TNNI3K: variants seen among roughly 807,000 people sequenced by gnomAD.
TNNI3K encodes TNNI3 interacting kinase.
Under a neutral mutation model 114.5 loss-of-function variants are expected in TNNI3K, and 140 were observed. That is an observed-to-expected ratio of 1.22 (90% CI 1.07 to 1.41). The LOEUF (loss-of-function observed/expected upper bound fraction) is 1.41, where lower values mean the gene tolerates loss of function less well. Among genes scored for constraint, TNNI3K ranks in the 40% most tolerant of loss-of-function variants. TNNI3K has a pLI of 0.00. For synonymous variants in TNNI3K, 347 were observed against 347.5 expected (o/e 1.00, Z 0.02); for missense variants, 1,125 against 1,007.6 (o/e 1.12, Z -1.58).
chr1:74,481,034 A>C (rs1668476360), intron 21 of TNNI3K: 2 of 635,864 alleles, frequency 3.1e-6, no homozygotes, highest in Admixed American at 2.5e-5. Flanking sequence ...GGTATGGTGG[A>C]GAGCAGAGAA....
At chr1:74,311,589 G>A (rs1658998948) in intron 5 of TNNI3K, among the ~76,000 whole-genome samples, 1 of 152,036 alleles carries the variant, frequency 6.6e-6, no homozygotes, top group South Asian at 2.1e-4. Flanking sequence ...CATTCCCAGG[G>A]CACATTTCAT....
chr1:74,438,669 C>T (rs17095322), intron 19 of TNNI3K, among the ~76,000 whole-genome samples: 10,239 of 151,956 alleles, frequency 0.067, 341 homozygotes, highest in East Asian at 0.1. Context: ...CAGTGTTCTG[C>T]GCCCTAAACT....
chr1:74,481,114 T>G, intron 21 of TNNI3K: 2 of 577,260 alleles, frequency 3.5e-6, no homozygotes. Flanking sequence ...AAAATGATTT[T>G]CTGATTTCCA....
At chr1:74,397,401 G>A (rs959709782) in intron 17 of TNNI3K, among the ~76,000 whole-genome samples, 15 of 152,294 alleles carry the variant, frequency 9.8e-5, no homozygotes, top group East Asian at 7.7e-4. Flanking sequence ...TAGCTGCCAC[G>A]GCCCTGCTCG....
chr1:74,285,126 T>C (rs1220089509), intron 5 of TNNI3K, among the ~76,000 whole-genome samples: 1 of 152,204 alleles, frequency 6.6e-6, no homozygotes, highest in East Asian at 1.9e-4. Flanking sequence ...CTTCCTACAA[T>C]AGTACCTTGA....
At chr1:74,510,462 C>G (rs767975041) in intron 23 of TNNI3K, among the ~76,000 whole-genome samples, 1 of 151,994 alleles carries the variant, frequency 6.6e-6, no homozygotes, top group African/African-American at 2.4e-5. Context: ...GAGCCGACAT[C>G]GCGCCACTGC....
chr1:74,280,019 G>A (rs1656909555), intron 5 of TNNI3K, among the ~76,000 whole-genome samples: 2 of 147,242 alleles, frequency 1.4e-5, no homozygotes, highest in African/African-American at 2.5e-5. Context: ...AACTGCCCAG[G>A]CAAGAAAGCA....
intron 4 of TNNI3K, among the ~76,000 whole-genome samples, chr1:74,267,129 T>G (rs1656042996): frequency 6.6e-6 from 1 of 151,992 alleles, no homozygotes; most frequent in Admixed American, 6.6e-5. Flanking sequence ...AAACAAGTCT[T>G]AAGAGACTTT....
At chr1:74,499,865 C>T (rs977756609) in intron 23 of TNNI3K, among the ~76,000 whole-genome samples, 1 of 151,746 alleles carries the variant, frequency 6.6e-6, no homozygotes, top group African/African-American at 2.4e-5. Flanking sequence ...TCTTATATAC[C>T]TTTTGTGTGA....
chr1:74,470,956 G>A (rs185494319), intron 21 of TNNI3K: 198 of 400,542 alleles, frequency 4.9e-4, no homozygotes, highest in African/African-American at 3.5e-3. Context: ...ATGTTGGAAT[G>A]GTAAAACATC....
intron 23 of TNNI3K, among the ~76,000 whole-genome samples, chr1:74,513,172 G>T (rs1646288888): frequency 1.3e-5 from 2 of 152,210 alleles, no homozygotes; most frequent in African/African-American, 4.8e-5. Context: ...CCTAAGATGA[G>T]GAAATGGTTG....
intron 23 of TNNI3K, among the ~76,000 whole-genome samples, chr1:74,536,517 A>T (rs978507667): frequency 6.6e-6 from 1 of 152,164 alleles, no homozygotes; most frequent in African/African-American, 2.4e-5. Flanking sequence ...ACGGTGACTG[A>T]TGATCATTTT....
At chr1:74,333,373 A>G (rs1481887436) in intron 6 of TNNI3K, among the ~76,000 whole-genome samples, 1 of 152,246 alleles carries the variant, frequency 6.6e-6, no homozygotes, top group Non-Finnish European at 1.5e-5. Context: ...AGCACAAGTA[A>G]TGGAAAAATC....
intron 5 of TNNI3K, among the ~76,000 whole-genome samples, chr1:74,286,538 A>G (rs1657345226): frequency 6.6e-6 from 1 of 152,134 alleles, no homozygotes. Flanking sequence ...ATTCATATGG[A>G]CCCAATGTCC....
intron 11 of TNNI3K, among the ~76,000 whole-genome samples, chr1:74,360,320 A>G (rs1050061709): frequency 6.6e-6 from 1 of 152,014 alleles, no homozygotes; most frequent in Non-Finnish European, 1.5e-5. Flanking sequence ...GCTTGATATC[A>G]TAACACACAG....
chr1:74,470,500 G>A (rs983298134), intron 21 of TNNI3K: 1 of 400,696 alleles, frequency 2.5e-6, no homozygotes, highest in Non-Finnish European at 4.4e-6. Context: ...ACTAACAGGA[G>A]AAGTACTGAT....
chr1:74,389,560 T>G (rs900615852), intron 17 of TNNI3K, among the ~76,000 whole-genome samples: 2 of 152,184 alleles, frequency 1.3e-5, no homozygotes, highest in African/African-American at 4.8e-5. Context: ...CCTATCACAC[T>G]TGTTTTCTTC....
chr1:74,315,488 C>T (rs190739485), intron 5 of TNNI3K, among the ~76,000 whole-genome samples: 2 of 151,572 alleles, frequency 1.3e-5, no homozygotes, highest in African/African-American at 4.8e-5. Context: ...TGGATGGAGA[C>T]TTGGTTTGGT....
Position 74,236,186 on chromosome 1 carries a change from T to A in TNNI3K, c.125T>A (p.Leu42Gln), listed in dbSNP as rs1479301084. Residue 42 changes from leucine to glutamine, a missense_variant, in exon 2 of 25, where the codon CTG becomes CAG. Coordinates refer to ENST00000326637, the MANE Select transcript of TNNI3K (RefSeq NM_015978.3). ...EDDLQIKEKE[L>Q]TELRNIFGSD... ...GACCTGCAGATCAAGGAAAAAGAAC[T>A]GACAGAACTAAGGAATATATTTGGG... 6.2e-7 allele frequency: 1 copy of A among 1,607,314 alleles called. No homozygotes were observed. Among genetic ancestry groups the A allele is most frequent in the East Asian group, 2.2e-5 (1 of 44,516 alleles).
Sources: allele counts gnomAD v4.1 joint callset (sites outside exome capture counted in the v4.1 genomes callset), GRCh38; gene constraint gnomAD v4.1.1; transcripts MANE v1.5; gene names NCBI Gene and HGNC (gene_info 2026-07-23, HGNC 2026-07-21).